The following SLC4A4 variants were observed in gnomAD, a reference collection of about 807,000 sequenced individuals.
SLC4A4 encodes electrogenic sodium bicarbonate cotransporter 1.
Under a neutral mutation model 111.5 loss-of-function variants are expected in SLC4A4, and 27 were observed. The observed-to-expected ratio is 0.24, with a 90% CI of 0.18 to 0.33. The LOEUF (loss-of-function observed/expected upper bound fraction) is 0.33, where lower values mean the gene tolerates loss of function less well. Among genes scored for constraint, SLC4A4 ranks in the 10% least tolerant of loss-of-function variants. SLC4A4 has a pLI of 1.00. For synonymous variants in SLC4A4, 443 were observed against 463.4 expected (o/e 0.96, Z 0.57); for missense variants, 909 against 1,315.5 (o/e 0.69, Z 4.78).
Position 71,568,258 on chromosome 4 carries a change from T to G in SLC4A4, c.*507T>G, listed in dbSNP as rs1260117563. On this transcript the variant is annotated 3_prime_UTR_variant, in exon 26 of 26. Transcript: ENST00000264485. ...AAAATGTTGAAGGAACTTAAAACTTTAGCTTTGGAGCTGTGCTTACTGGCT... is the reference window on the plus strand; with the variant it reads ...AAAATGTTGAAGGAACTTAAAACTTGAGCTTTGGAGCTGTGCTTACTGGCT... 1 of 190,814 alleles carries G rather than the reference T, an allele frequency of 5.2e-6. No individual in the cohort carries two copies. Among genetic ancestry groups the G allele is most frequent in the African/African-American group, 2.4e-5 (1 of 41,654 alleles). 11.8% of individuals were successfully genotyped at this position (190,814 alleles called of 1,614,324 possible). A position where few individuals can be genotyped will look rare whatever the true frequency, so the allele number is the denominator to read the frequency against.
At chr4:71,520,506 A>G (rs78990481) in intron 16 of SLC4A4, among the ~76,000 whole-genome samples, 1 of 152,122 alleles carries the variant, frequency 6.6e-6, no homozygotes, top group South Asian at 2.1e-4. Context: ...TAGTGCCAGC[A>G]CTACCACTGA....
At chr4:71,210,440 G>A (rs543157157) in intron 1 of SLC4A4, among the ~76,000 whole-genome samples, 1 of 152,294 alleles carries the variant, frequency 6.6e-6, no homozygotes, top group South Asian at 2.1e-4. Context: ...GAAAGTAAAT[G>A]TCTTCTCTGA....
intron 16 of SLC4A4, among the ~76,000 whole-genome samples, chr4:71,515,952 C>T (rs933192620): frequency 6.6e-6 from 1 of 151,464 alleles, no homozygotes; most frequent in African/African-American, 2.4e-5. Context: ...AGAATTTAAT[C>T]TGTTAATATT....
intron 8 of SLC4A4, among the ~76,000 whole-genome samples, chr4:71,441,973 T>C (rs1357969101): frequency 6.6e-6 from 1 of 152,192 alleles, no homozygotes; most frequent in African/African-American, 2.4e-5. Flanking sequence ...GTTCTATCTG[T>C]GCAGTCACCT....
At chr4:71,137,541 A>C (rs773275034) in intron 2 of SLC4A4, among the ~76,000 whole-genome samples, 67 of 152,190 alleles carry the variant, frequency 4.4e-4, no homozygotes, top group Non-Finnish European at 8.8e-4. Context: ...TCTCTTTTAG[A>C]ACTGTCTCGT....
At chr4:71,279,442 A>G (rs1301308032) in intron 3 of SLC4A4, among the ~76,000 whole-genome samples, 1 of 152,190 alleles carries the variant, frequency 6.6e-6, no homozygotes, top group Non-Finnish European at 1.5e-5. Flanking sequence ...AAGGCTGAAT[A>G]ATATTCCATT....
chr4:71,323,977 G>A (rs1007543937), intron 3 of SLC4A4, among the ~76,000 whole-genome samples: 3 of 151,898 alleles, frequency 2.0e-5, no homozygotes, highest in African/African-American at 4.8e-5. Flanking sequence ...TCTGTGATGC[G>A]GTACCCCTTC....
chr4:71,529,154 C>T (rs1384930675), intron 16 of SLC4A4, among the ~76,000 whole-genome samples: 3 of 151,932 alleles, frequency 2.0e-5, no homozygotes, highest in Non-Finnish European at 4.4e-5. Flanking sequence ...TGGATAGCTT[C>T]CCAAAGAGAA....
At chr4:71,437,704 A>G in intron 7 of SLC4A4, 2 of 390,996 alleles carry the variant, frequency 5.1e-6, no homozygotes, top group Non-Finnish European at 1.0e-5. Context: ...AGTTCCTATA[A>G]TGGAGATCTT....
intron 1 of SLC4A4, among the ~76,000 whole-genome samples, chr4:71,198,506 A>G (rs1201208720): frequency 2.0e-5 from 3 of 152,226 alleles, no homozygotes; most frequent in East Asian, 1.9e-4. Context: ...GCTGCATATC[A>G]TGAGAATGGA....
rs1744738394 is a variant in SLC4A4, at chr4:71,166,131, T to C, written c.-1-70445T>C. 2.6e-5 allele frequency among the ~76,000 whole-genome samples: 4 copies of C among 152,290 alleles called. No homozygotes were observed. In the South Asian group the frequency reaches 6.2e-4, roughly 24 times the overall value. On this transcript the variant is annotated intron_variant, in intron 2 of 26. Coordinates refer to the SLC4A4 transcript ENST00000649996. The stretch of plus-strand genomic sequence containing the variant: ...GAAATGTTATTAAATAGCAGCACTG[T>C]TAGAGTCAGGAGGCAGTGGCTAAAA...
rs988755034 is a variant in SLC4A4 at position 71,393,020 on chromosome 4, A to G, written c.731-4557A>G. ...ATTGGCATACAAGGGACGTACCTCAATGTAATAAAAGCCATCTATGACAAA... is the reference window on the plus strand; with the variant it reads ...ATTGGCATACAAGGGACGTACCTCAGTGTAATAAAAGCCATCTATGACAAA... On this transcript the variant is annotated intron_variant, in intron 6 of 25. Transcript: ENST00000264485. Among the ~76,000 whole-genome samples, 6 of 152,132 alleles carry G rather than the reference A, an allele frequency of 3.9e-5. No individual in the cohort carries two copies. The East Asian group carries it at 5.8e-4, about 15-fold the overall frequency.
intron 9 of SLC4A4, among the ~76,000 whole-genome samples, chr4:71,449,065 G>A (rs1277472336): frequency 6.6e-6 from 1 of 152,112 alleles, no homozygotes; most frequent in Non-Finnish European, 1.5e-5. Context: ...TAAACAATTT[G>A]GGATTTATTT....
intron 2 of SLC4A4, among the ~76,000 whole-genome samples, chr4:71,121,290 G>A (rs372060317): frequency 1.0e-3 from 153 of 151,976 alleles, no homozygotes; most frequent in Middle Eastern, 6.8e-3. Flanking sequence ...GCTCCGTGGC[G>A]CCCGGTCTCA....
intron 7 of SLC4A4, among the ~76,000 whole-genome samples, chr4:71,410,288 G>T (rs1370872054): frequency 6.6e-6 from 1 of 152,112 alleles, no homozygotes; most frequent in Non-Finnish European, 1.5e-5. Context: ...GACACTCAAT[G>T]CCAGCCCATG....
intron 6 of SLC4A4, among the ~76,000 whole-genome samples, chr4:71,381,085 C>T (rs1393346109): frequency 6.6e-6 from 1 of 152,118 alleles, no homozygotes; most frequent in East Asian, 1.9e-4. Flanking sequence ...CAGAAAGAGC[C>T]ATTCACTGTG....
chr4:71,562,700 T>C (rs892238014), intron 23 of SLC4A4, among the ~76,000 whole-genome samples: 4 of 151,842 alleles, frequency 2.6e-5, no homozygotes, highest in Admixed American at 2.0e-4. Flanking sequence ...CTTGATTCTA[T>C]CCAATTTGCC....
At chr4:71,461,768 C>T (rs1262952014) in intron 12 of SLC4A4, among the ~76,000 whole-genome samples, 1 of 152,092 alleles carries the variant, frequency 6.6e-6, no homozygotes, top group African/African-American at 2.4e-5. Flanking sequence ...AAACACGGGC[C>T]ATCCTTGGTT....
At chr4:71,322,945 G>A (rs1714667057) in intron 3 of SLC4A4, among the ~76,000 whole-genome samples, 1 of 151,898 alleles carries the variant, frequency 6.6e-6, no homozygotes, top group African/African-American at 2.4e-5. Context: ...TGGCTTCCCA[G>A]TTAAGTAGCG....
Sources: gnomAD v4.1 joint callset for allele counts (sites outside exome capture counted in the v4.1 genomes callset) on GRCh38, gnomAD v4.1.1 for gene constraint, MANE v1.5 for transcripts, NCBI Gene and HGNC (gene_info 2026-07-23, HGNC 2026-07-21) for gene names.